Variants in ATRNL1 observed in about 807,000 individuals in gnomAD.
The protein encoded by ATRNL1 is attractin like 1.
ATRNL1 carries 95 observed loss-of-function variants against 182.7 expected under a neutral mutation model. That is an observed-to-expected ratio of 0.52 (90% CI 0.44 to 0.62). The LOEUF (loss-of-function observed/expected upper bound fraction) is 0.62. Among genes scored for constraint, ATRNL1 ranks in the 20% least tolerant of loss-of-function variants. The probability of loss-of-function intolerance (pLI) is 0.00; values close to 1 mark genes in which losing one functional copy is unlikely to be tolerated. For missense variants in ATRNL1, 1,471 were observed against 1,679.5 expected, an observed-to-expected ratio of 0.88 and a Z score of 2.17; for synonymous variants, 576 against 568.3, an observed-to-expected ratio of 1.01 and a Z score of -0.19.
intron 1 of ATRNL1, among the ~76,000 whole-genome samples, chr10:115,095,371 T>TG (rs1554862867): frequency 2.0e-5 from 3 of 149,260 alleles, no homozygotes; most frequent in Non-Finnish European, 4.4e-5. Context: ...TTTTTTTTTT[T>TG]TTTTAAAAAA....
At chr10:115,534,638 A>T (rs551831269) in intron 25 of ATRNL1, among the ~76,000 whole-genome samples, 437 of 151,728 alleles carry the variant, frequency 2.9e-3, no homozygotes, top group African/African-American at 0.01. Flanking sequence ...TGTGAATTTG[A>T]TCCTGTCATT....
chr10:115,338,350 A>G (rs1378798156), intron 19 of ATRNL1, among the ~76,000 whole-genome samples: 5 of 152,036 alleles, frequency 3.3e-5, no homozygotes, highest in Non-Finnish European at 7.4e-5. Flanking sequence ...TTACATTCTC[A>G]CCAACTGTGT....
intron 28 of ATRNL1, among the ~76,000 whole-genome samples, chr10:115,864,398 T>C (rs1313256494): frequency 6.6e-6 from 1 of 152,202 alleles, no homozygotes; most frequent in Non-Finnish European, 1.5e-5. Flanking sequence ...GTAGTAATTG[T>C]TAAAGGTAAG....
intron 27 of ATRNL1, among the ~76,000 whole-genome samples, chr10:115,800,180 A>G (rs556475098): frequency 7.1e-4 from 107 of 151,702 alleles, no homozygotes; most frequent in African/African-American, 2.4e-3. Context: ...AGATGGCTCC[A>G]TTGCACTCCA....
intron 8 of ATRNL1, among the ~76,000 whole-genome samples, chr10:115,179,613 C>T (rs1184817341): frequency 6.6e-6 from 1 of 152,042 alleles, no homozygotes; most frequent in African/African-American, 2.4e-5. Flanking sequence ...ATAGTAGCTA[C>T]TATTGGCTTT....
intron 25 of ATRNL1, among the ~76,000 whole-genome samples, chr10:115,528,513 C>CAAA (rs1851377846): frequency 6.6e-6 from 1 of 151,744 alleles, no homozygotes; most frequent in Non-Finnish European, 1.5e-5. Flanking sequence ...AGTTTTCTTT[C>CAAA]TCTTTTCTTT....
intron 26 of ATRNL1, among the ~76,000 whole-genome samples, chr10:115,588,638 C>G (rs1476359220): frequency 3.9e-5 from 6 of 152,120 alleles, no homozygotes; most frequent in African/African-American, 1.4e-4. Flanking sequence ...GGGTTCCTTC[C>G]CAGTCATTAG....
chr10:115,709,704 A>G (rs1174197829), intron 26 of ATRNL1, among the ~76,000 whole-genome samples: 1 of 152,032 alleles, frequency 6.6e-6, no homozygotes, highest in African/African-American at 2.4e-5. Context: ...TAGTCTCACA[A>G]AACTAGAATT....
At chr10:115,662,189 T>C (rs1860736010) in intron 26 of ATRNL1, among the ~76,000 whole-genome samples, 1 of 152,054 alleles carries the variant, frequency 6.6e-6, no homozygotes, top group Non-Finnish European at 1.5e-5. Flanking sequence ...TGTTGGACAT[T>C]TGGCTTGGTT....
At chr10:115,421,603 G>A (rs1379602982) in intron 20 of ATRNL1, among the ~76,000 whole-genome samples, 1 of 152,132 alleles carries the variant, frequency 6.6e-6, no homozygotes, top group East Asian at 1.9e-4. Context: ...GGGAAAAGTT[G>A]AAAGCTTTCC....
At chr10:115,631,018 G>T (rs989127870) in intron 26 of ATRNL1, among the ~76,000 whole-genome samples, 1 of 151,548 alleles carries the variant, frequency 6.6e-6, no homozygotes, top group Non-Finnish European at 1.5e-5. Flanking sequence ...AAGTAAAAAG[G>T]CCTAATCATA....
chr10:115,485,916 C>A lies in ATRNL1; in HGVS notation c.3654+16587C>A, dbSNP rs1020188136. On this transcript the variant is annotated intron_variant, in intron 24 of 28. Coordinates refer to ENST00000355044, the MANE Select transcript of ATRNL1 (RefSeq NM_207303.4). The stretch of plus-strand genomic sequence containing the variant: ...ACAGCCCCCCACCCCCCAATAGGCC[C>A]TGGTTTGTGATCCCCGCCCCCACTC... Among the ~76,000 whole-genome samples, 3 of 149,772 alleles carry A rather than the reference C, an allele frequency of 2.0e-5. No individual in the cohort carries two copies. The Admixed American group carries it at 2.0e-4, about 10-fold the overall frequency.
chr10:115,434,442 T>C (rs1846308144), intron 21 of ATRNL1, among the ~76,000 whole-genome samples: 1 of 152,284 alleles, frequency 6.6e-6, no homozygotes, highest in East Asian at 1.9e-4. Context: ...TGAACTAATT[T>C]GTATAAGATC....
chr10:115,798,904 A>G (rs1402473595), intron 27 of ATRNL1, among the ~76,000 whole-genome samples: 2 of 143,394 alleles, frequency 1.4e-5, no homozygotes, highest in Non-Finnish European at 3.0e-5. Flanking sequence ...TCAGCTCACC[A>G]CAACCTCCGC....
intron 25 of ATRNL1, among the ~76,000 whole-genome samples, chr10:115,535,839 A>G (rs1268338259): frequency 6.6e-6 from 1 of 152,070 alleles, no homozygotes; most frequent in African/African-American, 2.4e-5. Context: ...TAGGACCGTC[A>G]GCTGCAGGTC....
At chr10:115,367,599 CT>C (rs1357894937) in intron 19 of ATRNL1, among the ~76,000 whole-genome samples, 2 of 151,734 alleles carry the variant, frequency 1.3e-5, no homozygotes, top group Non-Finnish European at 2.9e-5. Context: ...GGAACTCTGC[CT>C]TTTAGAGTTT....
At chr10:115,217,174 C>T (rs1849266919) in intron 9 of ATRNL1, among the ~76,000 whole-genome samples, 2 of 152,112 alleles carry the variant, frequency 1.3e-5, no homozygotes, top group African/African-American at 2.4e-5. Flanking sequence ...CTGCCACCTC[C>T]ACCTCCCACG....
chr10:115,354,999 G>A (rs1366071282), intron 19 of ATRNL1, among the ~76,000 whole-genome samples: 2 of 151,936 alleles, frequency 1.3e-5, no homozygotes, highest in African/African-American at 2.4e-5. Context: ...TTTTCAGCTC[G>A]AGTGATTTTT....
intron 26 of ATRNL1, among the ~76,000 whole-genome samples, chr10:115,666,770 A>G (rs183954987): frequency 1.3e-4 from 20 of 152,260 alleles, no homozygotes; most frequent in Admixed American, 5.2e-4. Context: ...ATTAAACAGC[A>G]TAAATATAAA....
Sources: gnomAD v4.1 joint callset for allele counts (sites outside exome capture counted in the v4.1 genomes callset) on GRCh38, gnomAD v4.1.1 for gene constraint, MANE v1.5 for transcripts, NCBI Gene and HGNC (gene_info 2026-07-23, HGNC 2026-07-21) for gene names.